ETV6: variants seen among roughly 807,000 people sequenced by gnomAD.
ETV6 encodes the protein ETS variant transcription factor 6, also known as transcription factor ETV6.
In ETV6, 16 loss-of-function variants were observed where a neutral mutation model predicts 51.1. The observed-to-expected ratio is 0.31, with a 90% confidence interval of 0.21 to 0.48. ETV6 has a LOEUF of 0.48. Ranked by LOEUF, ETV6 falls within the 20% of genes least tolerant of loss-of-function variation. The pLI, the probability that ETV6 is intolerant of heterozygous loss-of-function variation, is 0.99. For synonymous variants in ETV6, 240 were observed against 224.1 expected, an observed-to-expected ratio of 1.07 and a Z score of -0.64; for missense variants, 458 against 594.8, an observed-to-expected ratio of 0.77 and a Z score of 2.39.
intron 2 of ETV6, among the ~76,000 whole-genome samples, chr12:11,821,806 C>T (rs1270949912): frequency 2.0e-5 from 3 of 152,186 alleles, no homozygotes; most frequent in African/African-American, 4.8e-5. Context: ...CACCACCATA[C>T]AACAACTCTG....
chr12:11,752,140 T>A (rs1325765148), intron 1 of ETV6, among the ~76,000 whole-genome samples: 2 of 152,134 alleles, frequency 1.3e-5, no homozygotes, highest in Non-Finnish European at 2.9e-5. Flanking sequence ...GCGGACGTAT[T>A]TTTTTTGTTC....
chr12:11,849,875 A>C (rs971017717), intron 3 of ETV6, among the ~76,000 whole-genome samples: 1 of 152,126 alleles, frequency 6.6e-6, no homozygotes, highest in Non-Finnish European at 1.5e-5. Context: ...TATCGCTGCC[A>C]ATCATATGCT....
intron 5 of ETV6, among the ~76,000 whole-genome samples, chr12:11,871,023 G>A (rs1312747234): frequency 1.3e-5 from 2 of 152,098 alleles, no homozygotes; most frequent in Non-Finnish European, 2.9e-5. Context: ...TGGGAAGGAG[G>A]CCTGGAGGCA....
intron 2 of ETV6, among the ~76,000 whole-genome samples, chr12:11,763,518 T>C (rs1945121913): frequency 6.6e-6 from 1 of 152,212 alleles, no homozygotes; most frequent in Non-Finnish European, 1.5e-5. Context: ...GATGTGAAAT[T>C]TGTCTCTGAT....
intron 3 of ETV6, among the ~76,000 whole-genome samples, chr12:11,842,056 TG>T (rs1175315272): frequency 1.3e-3 from 171 of 132,076 alleles, no homozygotes; most frequent in African/African-American, 4.9e-3. Context: ...CACTCCAGCC[TG>T]GGCGACAGAG....
chr12:11,655,453 A>G (rs939024860), intron 1 of ETV6, among the ~76,000 whole-genome samples: 3 of 152,212 alleles, frequency 2.0e-5, no homozygotes, highest in African/African-American at 7.2e-5. Context: ...AGACTAGACT[A>G]AATTAGTAAA....
At chr12:11,684,775 A>G (rs1864596177) in intron 1 of ETV6, among the ~76,000 whole-genome samples, 1 of 152,228 alleles carries the variant, frequency 6.6e-6, no homozygotes. Flanking sequence ...ATTAATACCT[A>G]GAGTTCAAAT....
rs187468239 is a variant in ETV6, at chr12:11,650,412, C to T, written c.33+252C>T. 1.4e-4 allele frequency among the ~76,000 whole-genome samples: 18 copies of T among 130,518 alleles called. No individual in the cohort carries two copies. The South Asian group carries it at 2.9e-3, about 21-fold the overall frequency. The allele number at this position is 130,518 out of a possible 152,430, so 85.6% of individuals were successfully genotyped here. ...CCCTTGCTTTTTGACAATGAAATGC[C>T]GGTCACAATTGGTCAGAGCAACCCG... On this transcript the variant is annotated intron_variant, in intron 1 of 7. Coordinates refer to ENST00000396373, the MANE Select transcript of ETV6 (RefSeq NM_001987.5).
chr12:11,804,598 C>A (rs1481579628), intron 2 of ETV6, among the ~76,000 whole-genome samples: 6 of 152,236 alleles, frequency 3.9e-5, no homozygotes, highest in African/African-American at 1.4e-4. Flanking sequence ...ATCCAGGCCT[C>A]TGCTTAAATA....
chr12:11,845,667 G>A lies in ETV6; in HGVS notation c.328+6363G>A, dbSNP rs1220791238. On this transcript the variant is annotated intron_variant, in intron 3 of 7. Transcript: ENST00000396373. ...TTAAATTAAAAGGTTAATTCAATTG[G>A]CCTGCAAAAATGCACTGAATGGAAT... Among the ~76,000 whole-genome samples the A allele has an allele frequency of 2.6e-5, 4 of 152,166 alleles. No homozygotes were observed. In the East Asian group the frequency reaches 7.7e-4, roughly 29 times the overall value.
chr12:11,893,792 TTTTATATATATATATATA>T lies in ETV6; in HGVS notation c.*2748_*2765del, dbSNP rs1324109989. 4.3e-3 allele frequency: 183 copies of T among 42,168 alleles called. 5 individuals are homozygous for T. Among genetic ancestry groups the T allele is most frequent in the East Asian group, 0.011 (29 of 2,594 alleles). 2.6% of individuals were successfully genotyped at this position (42,168 alleles called of 1,614,324 possible). A position where few individuals can be genotyped will look rare whatever the true frequency, so the allele number is the denominator to read the frequency against. On this transcript the variant is annotated 3_prime_UTR_variant, in exon 8 of 8. Coordinates refer to ENST00000396373, the MANE Select transcript of ETV6 (RefSeq NM_001987.5). ...TTGTGTCCATCCCCAAGATCTCTCA[TTTTATATATATATATATA>T]TATATATATATATATATATATATAT...
chr12:11,754,520 G>A (rs1274400247), intron 2 of ETV6, among the ~76,000 whole-genome samples: 2 of 152,194 alleles, frequency 1.3e-5, no homozygotes, highest in African/African-American at 2.4e-5. Flanking sequence ...CTGAACTGGA[G>A]GTCAGGAGAT....
chr12:11,702,718 C>T (rs1464722610), intron 1 of ETV6, among the ~76,000 whole-genome samples: 1 of 152,094 alleles, frequency 6.6e-6, no homozygotes, highest in East Asian at 1.9e-4. Flanking sequence ...GAAGGGCTTA[C>T]CAGGAAGACA....
chr12:11,787,430 C>T (rs187070348), intron 2 of ETV6, among the ~76,000 whole-genome samples: 47 of 152,306 alleles, frequency 3.1e-4, no homozygotes, highest in Middle Eastern at 3.4e-3. Context: ...ATTTTCAATA[C>T]ATTGGGTTAT....
intron 1 of ETV6, among the ~76,000 whole-genome samples, chr12:11,719,136 G>A (rs1258701683): frequency 6.6e-6 from 1 of 152,238 alleles, no homozygotes; most frequent in South Asian, 2.1e-4. Flanking sequence ...TGTTAGTGAG[G>A]CCGCTGGGGA....
chr12:11,677,193 G>C (rs1864436443), intron 1 of ETV6, among the ~76,000 whole-genome samples: 2 of 152,202 alleles, frequency 1.3e-5, no homozygotes, highest in South Asian at 4.1e-4. Flanking sequence ...AACGATCACA[G>C]ATCAATTCTA....
chr12:11,761,044 C>T (rs1945079530), intron 2 of ETV6, among the ~76,000 whole-genome samples: 1 of 151,956 alleles, frequency 6.6e-6, no homozygotes, highest in Non-Finnish European at 1.5e-5. Flanking sequence ...AACCACTTGC[C>T]CGAGGTCACC....
intron 3 of ETV6, among the ~76,000 whole-genome samples, chr12:11,851,287 A>C (rs919132727): frequency 6.7e-6 from 1 of 149,884 alleles, no homozygotes; most frequent in Non-Finnish European, 1.5e-5. Context: ...CAATGTTTTC[A>C]TTTTTCTATT....
chr12:11,693,368 G>A (rs746977967), intron 1 of ETV6, among the ~76,000 whole-genome samples: 1 of 152,144 alleles, frequency 6.6e-6, no homozygotes, highest in Non-Finnish European at 1.5e-5. Flanking sequence ...TTTGGGGTTT[G>A]TAGACAGGTC....
Sources: gnomAD v4.1 joint callset for allele counts (sites outside exome capture counted in the v4.1 genomes callset) on GRCh38, gnomAD v4.1.1 for gene constraint, MANE v1.5 for transcripts, NCBI Gene and HGNC (gene_info 2026-07-23, HGNC 2026-07-21) for gene names.